KCNQ5: variants seen among roughly 807,000 people sequenced by gnomAD.
The protein encoded by KCNQ5 is potassium voltage-gated channel subfamily Q member 5, also known as potassium voltage-gated channel subfamily KQT member 5.
In KCNQ5, 30 loss-of-function variants were observed where a neutral mutation model predicts 98.2. The observed-to-expected ratio is 0.31, with a 90% CI of 0.23 to 0.41. KCNQ5 has a LOEUF of 0.41. Ranked by LOEUF, KCNQ5 falls within the 10% of genes least tolerant of loss-of-function variation. KCNQ5 has a pLI of 1.00. For synonymous variants in KCNQ5, 458 were observed against 449.4 expected (o/e 1.02, Z -0.24); for missense variants, 835 against 1,182.5 (o/e 0.71, Z 4.31).
intron 3 of KCNQ5, among the ~76,000 whole-genome samples, chr6:73,047,419 C>T (rs549639971): frequency 6.6e-6 from 1 of 152,296 alleles, no homozygotes; most frequent in East Asian, 1.9e-4. Flanking sequence ...AATTGGAGAC[C>T]TCTGGAGAGC....
intron 3 of KCNQ5, among the ~76,000 whole-genome samples, chr6:73,043,930 A>G (rs1015948430): frequency 6.6e-6 from 1 of 152,162 alleles, no homozygotes; most frequent in African/African-American, 2.4e-5. Context: ...TGTAGTTCTA[A>G]AAATGATGTT....
chr6:73,078,131 A>G (rs1048161007), intron 5 of KCNQ5, among the ~76,000 whole-genome samples: 4 of 150,912 alleles, frequency 2.7e-5, no homozygotes, highest in Admixed American at 2.6e-4. Context: ...TTAAAAATAT[A>G]TAAAATATAT....
At chr6:72,923,670 T>C (rs191049450) in intron 1 of KCNQ5, among the ~76,000 whole-genome samples, 11 of 152,288 alleles carry the variant, frequency 7.2e-5, no homozygotes, top group Non-Finnish European at 1.2e-4. Context: ...TAGTACCCAA[T>C]AGGTAGTTTT....
At chr6:72,988,391 A>G (rs527932053) in intron 1 of KCNQ5, among the ~76,000 whole-genome samples, 1 of 152,296 alleles carries the variant, frequency 6.6e-6, no homozygotes, top group Non-Finnish European at 1.5e-5. Context: ...GTCCTAAGCA[A>G]ATTAGTACAG....
intron 5 of KCNQ5, among the ~76,000 whole-genome samples, chr6:73,088,905 T>G (rs1345153711): frequency 6.6e-6 from 1 of 152,214 alleles, no homozygotes; most frequent in East Asian, 1.9e-4. Context: ...TCCACTCTCA[T>G]AGTGTCTTAA....
chr6:72,988,327 CA>C (rs1487220773), intron 1 of KCNQ5, among the ~76,000 whole-genome samples: 4 of 152,094 alleles, frequency 2.6e-5, no homozygotes, highest in Admixed American at 6.6e-5. Context: ...AACAAACAAA[CA>C]AAAGAATGAA....
chr6:73,089,873 A>G (rs1203665097), intron 5 of KCNQ5, among the ~76,000 whole-genome samples: 1 of 152,196 alleles, frequency 6.6e-6, no homozygotes, highest in Non-Finnish European at 1.5e-5. Context: ...TGCTATAAAC[A>G]TGCATGTGCA....
At chr6:72,808,902 A>G (rs938351066) in intron 1 of KCNQ5, among the ~76,000 whole-genome samples, 1 of 152,060 alleles carries the variant, frequency 6.6e-6, no homozygotes, top group African/African-American at 2.4e-5. Context: ...TATATACCCA[A>G]AGGATTATAA....
chr6:72,654,687 G>A (rs971787160), intron 1 of KCNQ5, among the ~76,000 whole-genome samples: 9 of 151,982 alleles, frequency 5.9e-5, no homozygotes, highest in Admixed American at 1.3e-4. Flanking sequence ...TAAATTGAAT[G>A]CTTTCTAGAG....
chr6:73,124,777 G>C, intron 9 of KCNQ5: 1 of 493,168 alleles, frequency 2.0e-6, no homozygotes. Context: ...ACTGATCTTG[G>C]ATTAGTCCTT....
chr6:73,017,473 A>G (rs977423021), intron 2 of KCNQ5, among the ~76,000 whole-genome samples: 2 of 152,112 alleles, frequency 1.3e-5, no homozygotes, highest in African/African-American at 2.4e-5. Flanking sequence ...CAAAAGCTGG[A>G]AGCAATAGGG....
intron 1 of KCNQ5, among the ~76,000 whole-genome samples, chr6:72,838,310 T>C (rs1776605361): frequency 6.6e-6 from 1 of 151,886 alleles, no homozygotes; most frequent in South Asian, 2.1e-4. Flanking sequence ...CAAAGTAGAA[T>C]AAAATAGATC....
At chr6:73,091,998 G>A (rs1317115162) in intron 5 of KCNQ5, among the ~76,000 whole-genome samples, 2 of 151,848 alleles carry the variant, frequency 1.3e-5, no homozygotes, top group African/African-American at 2.4e-5. Context: ...TGTCATCTAT[G>A]ATTTCTTTCA....
rs182776640 is a variant in KCNQ5, at chr6:73,194,449, T to C, written c.1837-3T>C. 1 of 1,610,540 alleles carries C rather than the reference T, an allele frequency of 6.2e-7. No homozygotes were observed. ...CATGTGTAACCATTTTCCTCACTTC[T>C]AGGTACAGTCCATAGAATCCAAGCT... On this transcript the variant is annotated splice_polypyrimidine_tract_variant and splice_region_variant and intron_variant, in intron 13 of 13. Coordinates refer to ENST00000370398, the MANE Select transcript of KCNQ5 (RefSeq NM_019842.4).
chr6:73,192,689 C>A lies in KCNQ5; in HGVS notation c.1834C>A (p.Gln612Lys). 2 of 1,582,254 alleles carry A rather than the reference C, an allele frequency of 1.3e-6. No homozygotes were observed. Among genetic ancestry groups the A allele is most frequent in the Admixed American group, 1.8e-5 (1 of 55,478 alleles). The part of the protein sequence containing the change: ...MLGRVVKVEK[Q>K]VQSIESKLDC... ...CGGTCGGGTGGTCAAGGTTGAAAAA[C>A]AGGTACAACTCAACTACGCTGGGTA... The change falls in exon 13 of 14, where the codon CAG (glutamine) becomes AAG (lysine). Residue 612 changes from glutamine (Q) to lysine (K), a missense_variant and splice_region_variant. Physicochemically the swap from Gln to Lys is moderately conservative, Grantham distance 53 (BLOSUM62 1). Around this residue, in one of 10 missense-constraint regions of KCNQ5, gnomAD observed 416 missense variants for 446.9 expected, o/e 0.93. Coordinates refer to ENST00000370398, the MANE Select transcript of KCNQ5 (RefSeq NM_019842.4).
In KCNQ5 at chr6:72,796,642, C is replaced by T. The variant is rs1203032684; in HGVS notation, c.398+174055C>T. Among the ~76,000 whole-genome samples the T allele has an allele frequency of 2.0e-5, 3 of 152,210 alleles. No individual in the cohort carries two copies. In the South Asian group the frequency reaches 6.2e-4, roughly 32 times the overall value. On this transcript the variant is annotated intron_variant, in intron 1 of 13. Coordinates refer to ENST00000370398, the MANE Select transcript of KCNQ5 (RefSeq NM_019842.4). ...ATTATAAGGCCCTCTACATAGCATG[C>T]TATCCAGTGCTAGTGGCCAGACTCT...
chr6:72,705,963 TAACA>T (rs1769056848), intron 1 of KCNQ5, among the ~76,000 whole-genome samples: 1 of 151,928 alleles, frequency 6.6e-6, no homozygotes, highest in Admixed American at 6.6e-5. Context: ...AAAGAAAAAA[TAACA>T]AACTATTAAA....
intron 1 of KCNQ5, among the ~76,000 whole-genome samples, chr6:72,693,379 A>G (rs1000042635): frequency 3.9e-5 from 6 of 152,168 alleles, no homozygotes; most frequent in Non-Finnish European, 8.8e-5. Context: ...CTGTAGGATG[A>G]GACTTGAAAA....
intron 1 of KCNQ5, among the ~76,000 whole-genome samples, chr6:72,949,434 T>C (rs1416363883): frequency 1.3e-5 from 2 of 152,212 alleles, no homozygotes; most frequent in African/African-American, 2.4e-5. Flanking sequence ...AATATCCTTG[T>C]AATACTTTTG....
Sources: gnomAD v4.1 joint callset for allele counts (sites outside exome capture counted in the v4.1 genomes callset) on GRCh38, gnomAD v4.1.1 for gene constraint, gnomAD v4.1.1 regional missense constraint, MANE v1.5 for transcripts, NCBI Gene and HGNC (gene_info 2026-07-23, HGNC 2026-07-21) for gene names.